Variants in TNFSF4 observed in about 807,000 individuals in gnomAD.
TNFSF4 encodes the protein tumor necrosis factor ligand superfamily member 4.
In TNFSF4, 4 loss-of-function variants were observed where a neutral mutation model predicts 7.3. The observed-to-expected ratio is 0.55, with a 90% confidence interval of 0.27 to 1.25. The LOEUF (loss-of-function observed/expected upper bound fraction) is 1.25. Ranked by LOEUF, TNFSF4 falls within the 50% of genes most tolerant of loss-of-function variation. TNFSF4 has a pLI of 0.12. For missense variants in TNFSF4, 181 were observed against 208.8 expected, an observed-to-expected ratio of 0.87 and a Z score of 0.82; for synonymous variants, 76 against 83.7, an observed-to-expected ratio of 0.91 and a Z score of 0.50.
the TNFSF4 span, among the ~76,000 whole-genome samples, chr1:173,308,057 G>T: frequency 1.3e-5 from 2 of 151,622 alleles, 1 homozygote; most frequent in African/African-American, 4.8e-5. Flanking sequence ...ATTTTGAATT[G>T]GGTTGTCTGT....
the TNFSF4 span, among the ~76,000 whole-genome samples, chr1:173,344,184 C>T: frequency 6.6e-6 from 1 of 152,138 alleles, no homozygotes; most frequent in African/African-American, 2.4e-5. Context: ...AGAATACCAG[C>T]ACGAGACCAC....
the TNFSF4 span, among the ~76,000 whole-genome samples, chr1:173,380,968 C>T: frequency 6.6e-6 from 1 of 152,166 alleles, no homozygotes; most frequent in Non-Finnish European, 1.5e-5. Flanking sequence ...TAAGTCCCAA[C>T]ATTAACATTG....
At chr1:173,182,496 T>C (rs2101975878), downstream of TNFSF4, among the ~76,000 whole-genome samples, 1 of 152,312 alleles carries the variant, frequency 6.6e-6, no homozygotes, top group South Asian at 2.1e-4. Flanking sequence ...AGTAGCTGCA[T>C]GCGTTTAGAC....
the TNFSF4 span, among the ~76,000 whole-genome samples, chr1:173,259,557 G>A: frequency 3.3e-5 from 5 of 152,234 alleles, no homozygotes; most frequent in Admixed American, 3.3e-4. Context: ...TGAGCTAAAG[G>A]AGCATGTTCT....
chr1:173,292,388 A>G, the TNFSF4 span, among the ~76,000 whole-genome samples: 1 of 152,172 alleles, frequency 6.6e-6, no homozygotes, highest in African/African-American at 2.4e-5. Flanking sequence ...AAACCATATG[A>G]TCATCTCAAT....
the TNFSF4 span, among the ~76,000 whole-genome samples, chr1:173,365,522 C>A: frequency 1.3e-5 from 2 of 152,116 alleles, no homozygotes; most frequent in African/African-American, 2.4e-5. Flanking sequence ...CTTCAAGTTT[C>A]TTGTAGAGTG....
At chr1:173,360,555 A>C in the TNFSF4 span, among the ~76,000 whole-genome samples, 1 of 152,242 alleles carries the variant, frequency 6.6e-6, no homozygotes, top group Non-Finnish European at 1.5e-5. Flanking sequence ...AGATCCAACC[A>C]GCTTGTTGCT....
the TNFSF4 span, among the ~76,000 whole-genome samples, chr1:173,322,524 T>A: frequency 1.3e-5 from 2 of 151,376 alleles, no homozygotes; most frequent in Admixed American, 1.3e-4. Flanking sequence ...CACTGGGGAG[T>A]GCTTGAGAGT....
chr1:173,349,307 C>T, the TNFSF4 span, among the ~76,000 whole-genome samples: 7 of 152,298 alleles, frequency 4.6e-5, no homozygotes, highest in East Asian at 7.7e-4. Flanking sequence ...GGATTACAGG[C>T]GTGAGCCACC....
upstream of TNFSF4, among the ~76,000 whole-genome samples, chr1:173,211,682 A>G (rs780804850): frequency 6.6e-5 from 10 of 152,160 alleles, no homozygotes; most frequent in Non-Finnish European, 1.3e-4. Context: ...CACATTCCCC[A>G]TGAAGGGCTG....
chr1:173,355,352 A>G, the TNFSF4 span, among the ~76,000 whole-genome samples: 1 of 152,208 alleles, frequency 6.6e-6, no homozygotes, highest in East Asian at 1.9e-4. Flanking sequence ...GCATGTGGAC[A>G]TCTTTGCGGG....
At chr1:173,284,694 A>C in the TNFSF4 span, among the ~76,000 whole-genome samples, 1 of 152,090 alleles carries the variant, frequency 6.6e-6, no homozygotes, top group African/African-American at 2.4e-5. Context: ...GTAAAAATCT[A>C]CTCTCCATGT....
At chr1:173,178,099 A>T in the TNFSF4 span, among the ~76,000 whole-genome samples, 18 of 152,152 alleles carry the variant, frequency 1.2e-4, no homozygotes, top group African/African-American at 3.9e-4. Flanking sequence ...TTACCAGAGG[A>T]TATACCCATT....
At chr1:173,230,080 G>A in the TNFSF4 span, among the ~76,000 whole-genome samples, 1 of 152,162 alleles carries the variant, frequency 6.6e-6, no homozygotes, top group Admixed American at 6.5e-5. Flanking sequence ...GCACCAAGAA[G>A]ACCCAATAGA....
At chr1:173,237,449 A>C in the TNFSF4 span, among the ~76,000 whole-genome samples, 1 of 152,222 alleles carries the variant, frequency 6.6e-6, no homozygotes, top group African/African-American at 2.4e-5. Flanking sequence ...TGCAAATAGG[A>C]AGAGAGGAAG....
intron 1 of TNFSF4, 143 bp from the exon 2 acceptor site, chr1:173,188,712 T>C (rs778606218): frequency 1.8e-5 from 12 of 679,874 alleles, no homozygotes; most frequent in Non-Finnish European, 3.0e-5. Flanking sequence ...TTTTTTGTTG[T>C]TGTTGTTGTT....
the TNFSF4 span, among the ~76,000 whole-genome samples, chr1:173,322,881 C>T: frequency 3.9e-5 from 6 of 152,258 alleles, no homozygotes; most frequent in South Asian, 2.1e-4. Context: ...GTAAACAAAG[C>T]GGCAGGGAAG....
the TNFSF4 span, among the ~76,000 whole-genome samples, chr1:173,430,381 C>T: frequency 1.3e-5 from 2 of 152,208 alleles, no homozygotes; most frequent in Non-Finnish European, 2.9e-5. Context: ...CAGAGTCTTC[C>T]ACTTTCTCTG....
chr1:173,365,133 G>A, the TNFSF4 span, among the ~76,000 whole-genome samples: 2 of 150,540 alleles, frequency 1.3e-5, no homozygotes, highest in South Asian at 2.1e-4. Flanking sequence ...ATTCTTAGGT[G>A]AGAAGTCACT....
Sources: allele counts gnomAD v4.1 joint callset (sites outside exome capture counted in the v4.1 genomes callset), GRCh38; gene constraint gnomAD v4.1.1; transcripts MANE v1.5; gene names NCBI Gene and HGNC (gene_info 2026-07-23, HGNC 2026-07-21).